GLIPR1: variants seen among roughly 807,000 people sequenced by gnomAD.
GLIPR1 encodes GLI pathogenesis related 1, also known as glioma pathogenesis-related protein 1.
GLIPR1 carries 38 observed loss-of-function variants against 30.3 expected under a neutral mutation model. That is an observed-to-expected ratio of 1.26 (90% CI 0.97 to 1.65). GLIPR1 has a LOEUF of 1.65. Ranked by LOEUF, GLIPR1 falls within the 40% of genes most tolerant of loss-of-function variation. The pLI, the probability that GLIPR1 is intolerant of heterozygous loss-of-function variation, is 0.00. For missense variants in GLIPR1, 285 were observed against 326.5 expected, an observed-to-expected ratio of 0.87 and a Z score of 0.98; for synonymous variants, 122 against 110.6, an observed-to-expected ratio of 1.10 and a Z score of -0.65.
rs538465586 is a variant in GLIPR1, at chr12:75,503,187, G to A, written c.*4209G>A. 6.4e-4 allele frequency: 97 copies of A among 152,142 alleles called. 1 individual carries two copies. Among genetic ancestry groups the A allele is most frequent in the Non-Finnish European group, 1.2e-3 (79 of 67,952 alleles). 9.4% of individuals were successfully genotyped at this position (152,142 alleles called of 1,614,324 possible). On this transcript the variant is annotated 3_prime_UTR_variant, in exon 6 of 6. Transcript: ENST00000266659. ...ACGTGAGAGAAGAGGAAACAGAAAG[G>A]GGTTCTTATCTGGTGGTCTCAAATA...
In GLIPR1 at chr12:75,502,820, A is replaced by AAAT. The variant is rs2046403899; in HGVS notation, c.*3845_*3847dup. ...AATTACTACAAGAAAGGGCCATAAG[A>AAAT]AATAAGGCAGGTGTTATGGAAGCAT... On this transcript the variant is annotated 3_prime_UTR_variant, in exon 6 of 6. Transcript: ENST00000266659. 1 of 152,050 alleles carries AAAT rather than the reference A, an allele frequency of 6.6e-6. No homozygotes were observed. Among genetic ancestry groups the AAAT allele is most frequent in the African/African-American group, 2.4e-5 (1 of 41,420 alleles). The allele number at this position is 152,050 out of a possible 1,614,324, so 9.4% of individuals were successfully genotyped here.
At chr12:75,488,059 A>G (rs1001359076) in intron 2 of GLIPR1, among the ~76,000 whole-genome samples, 1 of 152,096 alleles carries the variant, frequency 6.6e-6, no homozygotes, top group Non-Finnish European at 1.5e-5. Flanking sequence ...CCAGAGTCAC[A>G]CTCATCGCCA....
intron 2 of GLIPR1, chr12:75,487,619 C>T (rs371254897): frequency 2.5e-5 from 9 of 358,594 alleles, no homozygotes; most frequent in African/African-American, 1.1e-4. Flanking sequence ...AGAAGGCAGC[C>T]CACACTCTGC....
intron 3 of GLIPR1, chr12:75,494,542 A>C (rs938018483): frequency 1.3e-5 from 2 of 152,214 alleles, no homozygotes; most frequent in African/African-American, 4.8e-5. Flanking sequence ...ATCTTGTTTT[A>C]AACATTTTGA....
chr12:75,499,141 G>A lies in GLIPR1; in HGVS notation c.*163G>A, dbSNP rs2046372436. 1.3e-5 allele frequency: 6 copies of A among 468,566 alleles called. No individual in the cohort carries two copies. The highest frequency in any genetic ancestry group is 1.9e-5 in the Non-Finnish European group (5 of 269,648). The allele number at this position is 468,566 out of a possible 1,614,324, so 29.0% of individuals were successfully genotyped here. On this transcript the variant is annotated 3_prime_UTR_variant, in exon 6 of 6. Coordinates refer to ENST00000266659, the MANE Select transcript of GLIPR1 (RefSeq NM_006851.3). The stretch of plus-strand genomic sequence containing the variant: ...AAGAAGAAATTTCCTAACTCTATCA[G>A]ATAAACTCATCTTTAGTATAAATAA...
chr12:75,487,777 A>T (rs1239523282), intron 2 of GLIPR1: 2 of 456,306 alleles, frequency 4.4e-6, no homozygotes, highest in African/African-American at 4.0e-5. Flanking sequence ...ACCCCAAGAG[A>T]GGGTTCTTGA....
intron 3 of GLIPR1, chr12:75,492,265 A>T (rs1474278272): frequency 1.3e-5 from 2 of 152,250 alleles, no homozygotes; most frequent in African/African-American, 4.8e-5. Flanking sequence ...ATTTTTTTGT[A>T]GAGACAGAGT....
At chr12:75,489,198 G>A (rs2046308454) in intron 2 of GLIPR1, among the ~76,000 whole-genome samples, 1 of 152,136 alleles carries the variant, frequency 6.6e-6, no homozygotes, top group Admixed American at 6.5e-5. Context: ...CACCACTAAA[G>A]GTGCTAAAAT....
Position 75,499,765 on chromosome 12 carries a change from C to A in GLIPR1, c.*787C>A. The A allele has an allele frequency of 6.8e-7, 1 of 1,480,734 alleles. No homozygotes were observed. The highest frequency in any genetic ancestry group is 9.0e-7 in the Non-Finnish European group (1 of 1,106,620). 91.7% of individuals were successfully genotyped at this position (1,480,734 alleles called of 1,614,324 possible). A position where few individuals can be genotyped will look rare whatever the true frequency, so the allele number is the denominator to read the frequency against. ...CAACTAATGCCTGATATCTCAAAAT[C>A]CTTTACAAAAGGAGATAGTTCTAGT... On this transcript the variant is annotated 3_prime_UTR_variant, in exon 6 of 6. Transcript: ENST00000266659.
intron 4 of GLIPR1, chr12:75,498,138 T>TA (rs1407499319): frequency 2.0e-5 from 3 of 152,540 alleles, no homozygotes; most frequent in Admixed American, 1.3e-4. Context: ...TCCAGAAGGC[T>TA]AAAGGCAGTT....
In GLIPR1 at chr12:75,499,042, A is replaced by G. The variant is rs2046371514; in HGVS notation, c.*64A>G. On this transcript the variant is annotated 3_prime_UTR_variant, in exon 6 of 6. Coordinates refer to ENST00000266659, the MANE Select transcript of GLIPR1 (RefSeq NM_006851.3). ...TTCACATATGGCTTTTTTTTTAACC[A>G]ATAACAATTAGGTGTACTTCTATTT... The G allele has an allele frequency of 9.6e-7, 1 of 1,042,896 alleles. No individual in the cohort carries two copies. Among genetic ancestry groups the G allele is most frequent in the Non-Finnish European group, 1.4e-6 (1 of 724,938 alleles). 64.6% of individuals were successfully genotyped at this position (1,042,896 alleles called of 1,614,324 possible). A position where few individuals can be genotyped will look rare whatever the true frequency, so the allele number is the denominator to read the frequency against.
chr12:75,492,622 C>A (rs2046329734), intron 3 of GLIPR1: 1 of 152,058 alleles, frequency 6.6e-6, no homozygotes, highest in Admixed American at 6.5e-5. Context: ...GTAAATTTTC[C>A]TGGTTTAGAC....
chr12:75,499,557 C>T lies in GLIPR1; in HGVS notation c.*579C>T, dbSNP rs1197608286. 4.4e-6 allele frequency: 1 copy of T among 228,680 alleles called. No homozygotes were observed. The highest frequency in any genetic ancestry group is 8.3e-6 in the Non-Finnish European group (1 of 120,328). The allele number at this position is 228,680 out of a possible 1,614,324, so 14.2% of individuals were successfully genotyped here. The stretch of plus-strand genomic sequence containing the variant: ...GGACATCATTACTAACCAATAGCAT[C>T]AGACACTGGATTTAATGGATAATCA... On this transcript the variant is annotated 3_prime_UTR_variant, in exon 6 of 6. Coordinates refer to ENST00000266659, the MANE Select transcript of GLIPR1 (RefSeq NM_006851.3).
At position 75,503,850 on chromosome 12, in the gene GLIPR1, C is replaced by A; in HGVS notation, c.*4872C>A. On this transcript the variant is annotated 3_prime_UTR_variant, in exon 6 of 6. Transcript: ENST00000266659. ...AAATACTTTCAATAAAGTTTCTGACCAAATACATTAAAATAGATTCTCCTT... is the reference window on the plus strand; with the variant it reads ...AAATACTTTCAATAAAGTTTCTGACAAAATACATTAAAATAGATTCTCCTT... 1 of 1,479,990 alleles carries A rather than the reference C, an allele frequency of 6.8e-7. No homozygotes were observed. Among genetic ancestry groups the A allele is most frequent in the Non-Finnish European group, 9.2e-7 (1 of 1,088,794 alleles). 91.7% of individuals were successfully genotyped at this position (1,479,990 alleles called of 1,614,324 possible).
Position 75,501,940 on chromosome 12 carries a change from T to G in GLIPR1, c.*2962T>G, listed in dbSNP as rs764714445. The G allele has an allele frequency of 6.2e-7, 1 of 1,612,698 alleles. No homozygotes were observed. Among genetic ancestry groups the G allele is most frequent in the South Asian group, 1.1e-5 (1 of 91,038 alleles). On this transcript the variant is annotated 3_prime_UTR_variant, in exon 6 of 6. Transcript: ENST00000266659. ...TGCCGTACCTTTATTGCTTCCATTTTCTGCCGCTTCTTCTGATTTGCCTTC... is the reference window on the plus strand; with the variant it reads ...TGCCGTACCTTTATTGCTTCCATTTGCTGCCGCTTCTTCTGATTTGCCTTC...
Position 75,495,602 on chromosome 12 carries a change from A to T in GLIPR1, c.559A>T (p.Lys187Ter). The T allele has an allele frequency of 6.2e-7, 1 of 1,609,898 alleles. No individual in the cohort carries two copies. The highest frequency in any genetic ancestry group is 8.5e-7 in the Non-Finnish European group (1 of 1,176,222). The change falls in exon 4 of 6, where the codon AAG becomes TAG. Residue 187 changes from lysine (K) to a stop codon, truncating the protein, a stop_gained. Coordinates refer to ENST00000266659, the MANE Select transcript of GLIPR1 (RefSeq NM_006851.3). LOFTEE classifies it high-confidence loss of function. The stretch of plus-strand genomic sequence containing the variant: ...AGGGAATTACCCAACTTGGCCATAT[A>T]AGAGAGGAGCCACCTGCAGTGCCTG... ...PGGNYPTWPY[K>*]RGATCSACPN... is the part of the protein sequence containing the mutation.
At chr12:75,496,851 T>C (rs1385055981) in intron 4 of GLIPR1, 1 of 152,232 alleles carries the variant, frequency 6.6e-6, no homozygotes, top group Non-Finnish European at 1.5e-5. Context: ...TAATGTTGAA[T>C]ACTTATCTTT....
At chr12:75,488,625 A>G (rs1271286924) in intron 2 of GLIPR1, among the ~76,000 whole-genome samples, 1 of 152,228 alleles carries the variant, frequency 6.6e-6, no homozygotes, top group East Asian at 1.9e-4. Flanking sequence ...TGATACAGGG[A>G]GTAAATTTCA....
rs1406757312 is a variant in GLIPR1, at chr12:75,503,076, AATG to A, written c.*4100_*4102del. 1 of 152,154 alleles carries A rather than the reference AATG, an allele frequency of 6.6e-6. No individual in the cohort carries two copies. Among genetic ancestry groups the A allele is most frequent in the African/African-American group, 2.4e-5 (1 of 41,434 alleles). The allele number at this position is 152,154 out of a possible 1,614,324, so 9.4% of individuals were successfully genotyped here. Reference sequence around the variant, plus strand: ...TTAGGATATAGCCAAGGAAGGGAATAATGAAGCAAGAACCCCCAGGAGACAGGT... The same window carrying A: ...TTAGGATATAGCCAAGGAAGGGAATAAAGCAAGAACCCCCAGGAGACAGGT... On this transcript the variant is annotated 3_prime_UTR_variant, in exon 6 of 6. Transcript: ENST00000266659.
Sources: allele counts gnomAD v4.1 joint callset (sites outside exome capture counted in the v4.1 genomes callset), GRCh38; gene constraint gnomAD v4.1.1; transcripts MANE v1.5; gene names NCBI Gene and HGNC (gene_info 2026-07-23, HGNC 2026-07-21).